The following WARS2 variants were observed in gnomAD, a reference collection of about 807,000 sequenced individuals.
WARS2 encodes the protein tryptophan--tRNA ligase, mitochondrial.
WARS2 carries 28 observed loss-of-function variants against 36.5 expected under a neutral mutation model. The observed-to-expected ratio is 0.77, with a 90% CI of 0.57 to 1.05. The LOEUF is 1.05. WARS2 is among the 50% of genes least tolerant of loss of function. The pLI is 0.00. For synonymous variants in WARS2, 174 were observed against 178.4 expected, an observed-to-expected ratio of 0.98 and a Z score of 0.20; for missense variants, 435 against 456.8, an observed-to-expected ratio of 0.95 and a Z score of 0.44.
chr1:119,091,035 G>A (rs1653009282), intron 1 of WARS2, among the ~76,000 whole-genome samples: 1 of 152,172 alleles, frequency 6.6e-6, no homozygotes, highest in Admixed American at 6.5e-5. Flanking sequence ...GACAGACAAT[G>A]TTAAATGATT....
rs971025566 is a variant in WARS2 at position 119,032,068 on chromosome 1, G to A, written c.*843C>T. 6.6e-6 allele frequency: 1 copy of A among 152,070 alleles called. No homozygotes were observed. The allele number at this position is 152,070 out of a possible 1,614,324, so 9.4% of individuals were successfully genotyped here. A position where few individuals can be genotyped will look rare whatever the true frequency, so the allele number is the denominator to read the frequency against. On this transcript the variant is annotated 3_prime_UTR_variant, in exon 6 of 6. Transcript: ENST00000235521. ...ACTATTCTTAAGAATAAGGGGTAAGGGTTTTACTCTCAGATTTGCTTCTCT... is the reference window on the plus strand; with the variant it reads ...ACTATTCTTAAGAATAAGGGGTAAGAGTTTTACTCTCAGATTTGCTTCTCT...
At chr1:119,112,973 T>C (rs921802006) in intron 1 of WARS2, among the ~76,000 whole-genome samples, 4 of 152,106 alleles carry the variant, frequency 2.6e-5, no homozygotes, top group African/African-American at 7.2e-5. Flanking sequence ...CCGTAAGGAA[T>C]AGGGTGACAC....
chr1:119,127,461 C>T (rs189858272), intron 1 of WARS2, among the ~76,000 whole-genome samples: 208 of 152,208 alleles, frequency 1.4e-3, no homozygotes, highest in African/African-American at 4.8e-3. Context: ...GCTTTTATCT[C>T]GATGTTCTTA....
intron 2 of WARS2, among the ~76,000 whole-genome samples, chr1:119,053,825 G>A (rs1036483916): frequency 1.3e-5 from 2 of 152,084 alleles, no homozygotes; most frequent in African/African-American, 4.8e-5. Context: ...CAGGAGGATT[G>A]TTTCAGCCCA....
chr1:119,126,649 T>C, intron 1 of WARS2: 1 of 713,728 alleles, frequency 1.4e-6, no homozygotes, highest in Non-Finnish European at 2.6e-6. Flanking sequence ...CGAAGCTCCA[T>C]AAGTTTTCCC....
chr1:119,137,437 A>T (rs1384770289), intron 1 of WARS2, among the ~76,000 whole-genome samples: 1 of 152,224 alleles, frequency 6.6e-6, no homozygotes, highest in Non-Finnish European at 1.5e-5. Context: ...AACCCAGACT[A>T]GGAACCGCTA....
At chr1:119,046,387 C>T (rs1391561765) in intron 2 of WARS2, among the ~76,000 whole-genome samples, 9 of 144,200 alleles carry the variant, frequency 6.2e-5, no homozygotes, top group Admixed American at 1.4e-4. Context: ...CTCACTCTGT[C>T]GCCCAGGCTG....
At chr1:119,096,737 T>C (rs1008195425) in intron 1 of WARS2, among the ~76,000 whole-genome samples, 33 of 152,314 alleles carry the variant, frequency 2.2e-4, no homozygotes, top group African/African-American at 7.5e-4. Flanking sequence ...TACATATGTA[T>C]TGAAATATTA....
chr1:119,077,064 G>C (rs1651796772), intron 1 of WARS2, among the ~76,000 whole-genome samples: 1 of 147,282 alleles, frequency 6.8e-6, no homozygotes, highest in South Asian at 2.1e-4. Flanking sequence ...CTTGAACCTG[G>C]GAGGTGGAGG....
At chr1:119,058,761 A>G (rs1261095332) in intron 2 of WARS2, among the ~76,000 whole-genome samples, 4 of 128,890 alleles carry the variant, frequency 3.1e-5, no homozygotes, top group Admixed American at 2.8e-4. Flanking sequence ...TAGTGCCGCA[A>G]TAAACATACG....
chr1:119,079,068 G>T (rs1286960552), intron 1 of WARS2, among the ~76,000 whole-genome samples: 1 of 152,012 alleles, frequency 6.6e-6, no homozygotes, highest in Non-Finnish European at 1.5e-5. Flanking sequence ...ATGGTGTGAG[G>T]TAAGCATCTA....
chr1:119,065,138 A>C (rs1650720379), intron 2 of WARS2, among the ~76,000 whole-genome samples: 1 of 152,296 alleles, frequency 6.6e-6, no homozygotes, highest in Non-Finnish European at 1.5e-5. Flanking sequence ...TAAATGATAG[A>C]TCAAATAAGA....
intron 1 of WARS2, among the ~76,000 whole-genome samples, chr1:119,131,634 T>C (rs61808935): frequency 0.013 from 1,926 of 152,096 alleles, 20 homozygotes; most frequent in Non-Finnish European, 0.019. Flanking sequence ...GGCTAATTTG[T>C]TTGTTTTTAG....
intron 1 of WARS2, among the ~76,000 whole-genome samples, chr1:119,132,291 T>C (rs1656170936): frequency 1.3e-5 from 2 of 152,162 alleles, no homozygotes; most frequent in South Asian, 4.1e-4. Context: ...GGATGTCTCA[T>C]AGCTTAGTGG....
At chr1:119,087,075 G>A (rs1652727958) in intron 1 of WARS2, among the ~76,000 whole-genome samples, 1 of 152,008 alleles carries the variant, frequency 6.6e-6, no homozygotes, top group Non-Finnish European at 1.5e-5. Context: ...CACCACCAAT[G>A]TCTCTTTTTC....
At chr1:119,055,536 G>T (rs1649707062) in intron 2 of WARS2, among the ~76,000 whole-genome samples, 1 of 152,238 alleles carries the variant, frequency 6.6e-6, no homozygotes, top group African/African-American at 2.4e-5. Flanking sequence ...CAGCTACTTG[G>T]GAGGCTGAGG....
At chr1:119,085,181 TTCTTC>T (rs1652534511) in intron 1 of WARS2, 1 of 806,788 alleles carries the variant, frequency 1.2e-6, no homozygotes, top group South Asian at 1.3e-5. Context: ...CCCTGGTCTT[TTCTTC>T]TCTTGCCTCC....
At position 119,076,581 on chromosome 1, in the gene WARS2, G is replaced by A. The variant is rs371681806; in HGVS notation, c.117C>T (p.Ser39=). The change falls in exon 2 of 6, where the codon TCC becomes TCT. Residue 39 remains serine (S), a synonymous_variant. Coordinates refer to ENST00000235521, the MANE Select transcript of WARS2 (RefSeq NM_015836.4). ...GGAGGATTCCTGTAGGTTGAATGCC[G>A]GAAAATACTCGCTTCTTGCTGTCTT... The part of the protein sequence containing the change: ...LQKDSKKRVF[S]GIQPTGILHL... The A allele has an allele frequency of 1.2e-4, 187 of 1,613,964 alleles. No individual in the cohort carries two copies. The highest frequency in any genetic ancestry group is 1.8e-4 in the Admixed American group (11 of 59,992).
At chr1:119,136,345 T>A (rs1656508732) in intron 1 of WARS2, among the ~76,000 whole-genome samples, 1 of 152,194 alleles carries the variant, frequency 6.6e-6, no homozygotes, top group East Asian at 1.9e-4. Context: ...ACAGTTACTA[T>A]CAGTAGTTTT....
Sources: gnomAD v4.1 joint callset for allele counts (sites outside exome capture counted in the v4.1 genomes callset) on GRCh38, gnomAD v4.1.1 for gene constraint, MANE v1.5 for transcripts, NCBI Gene and HGNC (gene_info 2026-07-23, HGNC 2026-07-21) for gene names.